Variants in ENG observed in about 807,000 individuals in gnomAD.
ENG encodes CD105 antigen.
A neutral mutation model predicts 71.0 loss-of-function variants in ENG; 17 were observed. The ratio of observed to expected loss-of-function variants is 0.24; its 90% CI spans 0.16 to 0.36. The LOEUF (loss-of-function observed/expected upper bound fraction) is 0.36. Among genes scored for constraint, ENG ranks in the 10% least tolerant of loss-of-function variants. ENG has a pLI of 1.00. For synonymous variants in ENG, 360 were observed against 366.9 expected (o/e 0.98, Z 0.21); for missense variants, 749 against 868.3 (o/e 0.86, Z 1.73).
chr9:127,832,972 G>T (rs10987752), intron 2 of ENG, among the ~76,000 whole-genome samples: 44,217 of 151,886 alleles, frequency 0.29, 8,034 homozygotes, highest in East Asian at 0.57. Context: ...GGCCAGGATG[G>T]GCTCAAACTC....
intron 1 of ENG, chr9:127,847,221 G>T (rs1831188157): frequency 6.6e-6 from 1 of 152,454 alleles, no homozygotes; most frequent in Non-Finnish European, 1.5e-5. Flanking sequence ...CTGAAGACCA[G>T]GGCGGTTAAA....
At chr9:127,839,865 G>A (rs1588594226) in intron 2 of ENG, among the ~76,000 whole-genome samples, 1 of 152,124 alleles carries the variant, frequency 6.6e-6, no homozygotes, top group East Asian at 1.9e-4. Flanking sequence ...CTGCCCCATT[G>A]ATCTTGTAGC....
intron 1 of ENG, among the ~76,000 whole-genome samples, chr9:127,848,299 A>G (rs372371687): frequency 6.7e-6 from 1 of 148,234 alleles, no homozygotes; most frequent in Non-Finnish European, 1.5e-5. Context: ...TTTTTTTTTT[A>G]ATTTTGGAGA....
intron 5 of ENG, 50 bp downstream of exon 5, chr9:127,825,645 G>C: frequency 6.9e-7 from 1 of 1,441,534 alleles, no homozygotes; most frequent in Non-Finnish European, 9.2e-7. Flanking sequence ...GGTCAGGGGG[G>C]TGGTCTCTCG....
In ENG at chr9:127,825,281, G is replaced by C. The variant is rs143779963; in HGVS notation, c.766C>G (p.Pro256Ala). The change falls in exon 6 of 15, where the codon CCC (proline) becomes GCC (alanine). Residue 256 changes from proline to alanine, a missense_variant. Coordinates refer to ENST00000373203, the MANE Select transcript of ENG (RefSeq NM_001114753.3). The part of the protein sequence containing the change: ...DLDAVLILQG[P>A]PYVSWLIDAN... The stretch of plus-strand genomic sequence containing the variant: ...TCGATGAGCCAGGACACGTAGGGGG[G>C]ACCCTGCAGGATGAGGACGGCATCG... 1.2e-6 allele frequency: 2 copies of C among 1,611,080 alleles called. No homozygotes were observed. Among genetic ancestry groups the C allele is most frequent in the Non-Finnish European group, 1.7e-6 (2 of 1,179,410 alleles).
At chr9:127,820,482 C>T (rs553067205) in intron 8 of ENG, among the ~76,000 whole-genome samples, 1 of 151,548 alleles carries the variant, frequency 6.6e-6, no homozygotes, top group African/African-American at 2.4e-5. Context: ...CGTGAGCCAC[C>T]GCGCCTGGCC....
In ENG at chr9:127,846,818, G is replaced by A. The variant is rs115879562; in HGVS notation, c.68-3573C>T. The A allele has an allele frequency of 2.1e-3, 2,034 of 967,466 alleles. 13 individuals carry two copies. The highest frequency in any genetic ancestry group is 0.018 in the African/African-American group (1,034 of 56,932). The allele number at this position is 967,466 out of a possible 1,614,324, so 59.9% of individuals were successfully genotyped here. A position where few individuals can be genotyped will look rare whatever the true frequency, so the allele number is the denominator to read the frequency against. ...CTGGGTCAGAGGAGGAGCCGCTGGG[G>A]GCCTGGGTGACTGGAACCCCAAGTG... is the stretch of plus-strand genomic sequence containing the variant. On this transcript the variant is annotated intron_variant, in intron 1 of 14. Transcript: ENST00000373203. This position sits in a 1 kb window ranked among gnomAD's most constrained non-coding sequence, Gnocchi z 5.5.
intron 8 of ENG, among the ~76,000 whole-genome samples, chr9:127,822,871 C>T (rs80355079): frequency 1.3e-5 from 2 of 152,142 alleles, no homozygotes; most frequent in South Asian, 2.1e-4. Flanking sequence ...AATGGAGTCT[C>T]GCTCTGTCGC....
chr9:127,815,515 G>A lies in ENG; in HGVS notation c.*167C>T. ...GGACCCCAAGGTGTTCCAAGCCAGT[G>A]GCTGCACTGGCAGCAGGCCTCTGAG... On this transcript the variant is annotated 3_prime_UTR_variant, in exon 15 of 15. Coordinates refer to ENST00000373203, the MANE Select transcript of ENG (RefSeq NM_001114753.3). 3.7e-6 allele frequency: 5 copies of A among 1,340,324 alleles called. No individual in the cohort carries two copies. The highest frequency in any genetic ancestry group is 4.9e-6 in the Non-Finnish European group (5 of 1,010,770). 83.0% of individuals were successfully genotyped at this position (1,340,324 alleles called of 1,614,324 possible).
chr9:127,840,791 C>T (rs1005633094), intron 2 of ENG, among the ~76,000 whole-genome samples: 4 of 152,164 alleles, frequency 2.6e-5, no homozygotes, highest in Non-Finnish European at 5.9e-5. Flanking sequence ...CAGCCTGGCT[C>T]CTTGAATTAA....
intron 2 of ENG, among the ~76,000 whole-genome samples, chr9:127,832,408 C>G (rs953033525): frequency 6.6e-6 from 1 of 152,138 alleles, no homozygotes; most frequent in Admixed American, 6.5e-5. Flanking sequence ...ATGAGGGAAC[C>G]AAGACCCTGA....
At position 127,853,267 on chromosome 9, in the gene ENG, G is replaced by C. The variant is rs569035030; in HGVS notation, c.67+1022C>G. Among the ~76,000 whole-genome samples the C allele has an allele frequency of 3.3e-5, 5 of 152,140 alleles. No individual in the cohort carries two copies. The South Asian group carries it at 8.3e-4, about 25-fold the overall frequency. ...TAAAATGCCATCAGGTGGGGAGGTG[G>C]GGAGAAGTTGGCTGCCCCACCGCTG... On this transcript the variant is annotated intron_variant, in intron 1 of 14. Coordinates refer to ENST00000373203, the MANE Select transcript of ENG (RefSeq NM_001114753.3).
At chr9:127,847,344 C>T (rs1831191316) in intron 1 of ENG, among the ~76,000 whole-genome samples, 1 of 152,150 alleles carries the variant, frequency 6.6e-6, no homozygotes. Context: ...CTGAGTGTGT[C>T]AGTTTGATGG....
At position 127,854,608 on chromosome 9, in the gene ENG, G is replaced by T. The variant is rs974401405; in HGVS notation, c.-253C>A. 1.4e-5 allele frequency: 8 copies of T among 561,784 alleles called. No individual in the cohort carries two copies. Among genetic ancestry groups the T allele is most frequent in the African/African-American group, 3.9e-5 (2 of 50,830 alleles). 34.8% of individuals were successfully genotyped at this position (561,784 alleles called of 1,614,324 possible). On this transcript the variant is annotated 5_prime_UTR_variant, in exon 1 of 15. Transcript: ENST00000373203. ...AGGGGGTGCTGGGCTCCAATGGATGGCAGTGACAGCAGCAGTCCTGGCCCC... is the reference window on the plus strand; with the variant it reads ...AGGGGGTGCTGGGCTCCAATGGATGTCAGTGACAGCAGCAGTCCTGGCCCC...
At position 127,825,684 on chromosome 9, in the gene ENG, G is replaced by A. The variant is rs765328758; in HGVS notation, c.689+11C>T. On this transcript the variant is annotated intron_variant, in intron 5 of 14. Coordinates refer to ENST00000373203, the MANE Select transcript of ENG (RefSeq NM_001114753.3). ...TGGGGACTAGTGTCAGGGGCGGGGC[G>A]AGAGCCATACCCGGCCGAGTGGCCC... 4 of 1,563,080 alleles carry A rather than the reference G, an allele frequency of 2.6e-6. No individual in the cohort carries two copies. The highest frequency in any genetic ancestry group is 1.7e-5 in the Admixed American group (1 of 57,312).
intron 3 of ENG, 86 bp downstream of exon 3, chr9:127,829,601 G>T (rs1830709336): frequency 2.2e-5 from 34 of 1,564,370 alleles, no homozygotes; most frequent in Non-Finnish European, 3.0e-5. Context: ...GGGCCGCTGG[G>T]GTGGGAGACC....
At chr9:127,839,562 T>C (rs41391057) in intron 2 of ENG, among the ~76,000 whole-genome samples, 238 of 152,188 alleles carry the variant, frequency 1.6e-3, no homozygotes, top group African/African-American at 5.7e-3. Context: ...TTTTTGTTGT[T>C]GTTTTGTTTT....
rs863223533 is a variant in ENG, at chr9:127,829,688, T to A, written c.359A>T (p.Tyr120Phe). Residue 120 changes from tyrosine (Y) to phenylalanine (F), a missense_variant and splice_region_variant, in exon 3 of 15, where the codon TAC becomes TTC. Transcript: ENST00000373203. ...TGGGGTTGGAGGGAACACACTCACG[T>A]AGGCCAAGTGCAGTGGGATTCCCAG... ...QALGIPLHLA[Y>F]NSSLVTFQEP... 1 of 1,613,870 alleles carries A rather than the reference T, an allele frequency of 6.2e-7. No homozygotes were observed. Among genetic ancestry groups the A allele is most frequent in the East Asian group, 2.2e-5 (1 of 44,880 alleles).
chr9:127,845,281 C>T (rs1206855724), intron 1 of ENG, among the ~76,000 whole-genome samples: 4 of 152,214 alleles, frequency 2.6e-5, no homozygotes, highest in Admixed American at 1.3e-4. Flanking sequence ...CCTCCTTCCT[C>T]ACCTTCCCAC....
Sources: gnomAD v4.1 joint callset for allele counts (sites outside exome capture counted in the v4.1 genomes callset) on GRCh38, gnomAD v4.1.1 for gene constraint, Gnocchi (gnomAD v3.1) non-coding constraint, MANE v1.5 for transcripts, NCBI Gene and HGNC (gene_info 2026-07-23, HGNC 2026-07-21) for gene names.